The following MCC variants were observed in gnomAD, a reference collection of about 807,000 sequenced individuals.
MCC encodes colorectal mutant cancer protein.
A neutral mutation model predicts 116.2 loss-of-function variants in MCC; 90 were observed. The ratio of observed to expected loss-of-function variants is 0.77; its 90% CI spans 0.65 to 0.92. The LOEUF (loss-of-function observed/expected upper bound fraction) is 0.92, where lower values mean the gene tolerates loss of function less well. Ranked by LOEUF, MCC falls within the 40% of genes least tolerant of loss-of-function variation. The pLI is 0.00. For synonymous variants in MCC, 578 were observed against 510.5 expected (o/e 1.13, Z -1.78); for missense variants, 1,516 against 1,312.2 (o/e 1.16, Z -2.40).
chr5:113,251,838 A>T (rs724805), intron 3 of MCC, among the ~76,000 whole-genome samples: 2,420 of 152,254 alleles, frequency 0.016, 70 homozygotes, highest in African/African-American at 0.056. Flanking sequence ...TGCATATTCA[A>T]CGACGCCTAC....
chr5:113,235,435 T>C (rs1764092845), intron 3 of MCC, among the ~76,000 whole-genome samples: 1 of 152,196 alleles, frequency 6.6e-6, no homozygotes, highest in Admixed American at 6.5e-5. Context: ...GTTTCTTCAT[T>C]CCACTAAACA....
intron 3 of MCC, among the ~76,000 whole-genome samples, chr5:113,297,840 G>T (rs934602374): frequency 1.3e-5 from 2 of 151,800 alleles, no homozygotes; most frequent in African/African-American, 4.8e-5. Context: ...GGAGAAAACA[G>T]GAGAGCTTAA....
intron 13 of MCC, among the ~76,000 whole-genome samples, chr5:113,064,369 G>C (rs1285454863): frequency 6.6e-6 from 1 of 152,238 alleles, no homozygotes; most frequent in Admixed American, 6.5e-5. Context: ...GTATTTCTCT[G>C]CTCTTTCTCT....
At chr5:113,324,114 A>T (rs1352871360) in intron 3 of MCC, among the ~76,000 whole-genome samples, 1 of 152,186 alleles carries the variant, frequency 6.6e-6, no homozygotes, top group Non-Finnish European at 1.5e-5. Flanking sequence ...GGGAGGAAAC[A>T]AATGGACAGG....
chr5:113,039,206 A>C (rs1751518692), intron 17 of MCC, among the ~76,000 whole-genome samples: 1 of 152,124 alleles, frequency 6.6e-6, no homozygotes, highest in Non-Finnish European at 1.5e-5. Flanking sequence ...CCTTACTTTA[A>C]AAAGATATTT....
At chr5:113,182,541 A>C (rs886392648) in intron 3 of MCC, among the ~76,000 whole-genome samples, 3 of 152,118 alleles carry the variant, frequency 2.0e-5, no homozygotes, top group African/African-American at 4.8e-5. Context: ...GGTTGCACTG[A>C]GCCAATATCG....
At chr5:113,217,040 A>G (rs1009632523) in intron 3 of MCC, among the ~76,000 whole-genome samples, 1 of 152,248 alleles carries the variant, frequency 6.6e-6, no homozygotes, top group Non-Finnish European at 1.5e-5. Flanking sequence ...CTGACAATGA[A>G]CATGGCTAGG....
intron 1 of MCC, among the ~76,000 whole-genome samples, chr5:113,396,348 C>T (rs1416703147): frequency 6.6e-6 from 1 of 151,660 alleles, no homozygotes; most frequent in Non-Finnish European, 1.5e-5. Context: ...ACAAAAAAAC[C>T]GAGCCATGCA....
chr5:113,034,734 A>T (rs1452168717), intron 17 of MCC, among the ~76,000 whole-genome samples: 2 of 152,200 alleles, frequency 1.3e-5, no homozygotes, highest in African/African-American at 4.8e-5. Flanking sequence ...GTCTCCACTG[A>T]CGTGGATCAC....
intron 12 of MCC, among the ~76,000 whole-genome samples, chr5:113,070,695 T>TA (rs1286131074): frequency 6.6e-6 from 1 of 152,212 alleles, no homozygotes; most frequent in African/African-American, 2.4e-5. Context: ...TTGGAGGGGT[T>TA]ACAGCCATTC....
intron 2 of MCC, among the ~76,000 whole-genome samples, chr5:113,373,737 A>T (rs907105320): frequency 1.3e-5 from 2 of 152,266 alleles, no homozygotes; most frequent in Admixed American, 1.3e-4. Flanking sequence ...TGTGAAATAT[A>T]TAAAGGATAC....
intron 5 of MCC, among the ~76,000 whole-genome samples, chr5:113,138,286 T>C (rs985660068): frequency 5.3e-5 from 8 of 152,282 alleles, no homozygotes; most frequent in African/African-American, 1.4e-4. Flanking sequence ...GCTGGGATTA[T>C]AGGCATGAGC....
chr5:113,410,699 T>A (rs547356030), intron 1 of MCC, among the ~76,000 whole-genome samples: 1 of 152,390 alleles, frequency 6.6e-6, no homozygotes, highest in African/African-American at 2.4e-5. Flanking sequence ...GTCGGATTGC[T>A]GCACCCATTG....
chr5:113,332,699 T>C (rs902031600), intron 3 of MCC, among the ~76,000 whole-genome samples: 2 of 151,620 alleles, frequency 1.3e-5, no homozygotes, highest in African/African-American at 4.9e-5. Flanking sequence ...AATATAACAT[T>C]TGGGGTTACC....
At chr5:113,313,866 G>A (rs574070467) in intron 3 of MCC, among the ~76,000 whole-genome samples, 4 of 151,908 alleles carry the variant, frequency 2.6e-5, no homozygotes, top group South Asian at 4.2e-4. Context: ...TGTTGCCCAC[G>A]CTGGAGTGCA....
chr5:113,475,600 A>T lies in MCC; in HGVS notation c.170+12645T>A, dbSNP rs1772216023. 2.6e-5 allele frequency among the ~76,000 whole-genome samples: 4 copies of T among 152,214 alleles called. No individual in the cohort carries two copies. In the South Asian group the frequency reaches 8.3e-4, roughly 32 times the overall value. ...CTCTAAGGAAATGCCCTTTCTCTCC[A>T]TATGGCTTCCACTCTGAGACTAAGA... On this transcript the variant is annotated intron_variant, in intron 1 of 18. Coordinates refer to ENST00000408903, the MANE Select transcript of MCC (RefSeq NM_001085377.2).
chr5:113,184,489 T>TC (rs1275177415), intron 3 of MCC, among the ~76,000 whole-genome samples: 1 of 148,872 alleles, frequency 6.7e-6, no homozygotes, highest in East Asian at 1.9e-4. Flanking sequence ...GTTTTTTTTT[T>TC]TTTTTTTTGG....
chr5:113,309,921 C>T (rs1421809924), intron 3 of MCC, among the ~76,000 whole-genome samples: 2 of 146,586 alleles, frequency 1.4e-5, no homozygotes, highest in African/African-American at 5.0e-5. Flanking sequence ...TTCCTTCTTC[C>T]CTCCCTCCCT....
intron 8 of MCC, among the ~76,000 whole-genome samples, chr5:113,100,413 G>A (rs1389344666): frequency 6.6e-6 from 1 of 151,210 alleles, no homozygotes; most frequent in Non-Finnish European, 1.5e-5. Context: ...TATGGCTAAG[G>A]GAGCAAGAGC....
Sources: allele counts gnomAD v4.1 joint callset (sites outside exome capture counted in the v4.1 genomes callset), GRCh38; gene constraint gnomAD v4.1.1; transcripts MANE v1.5; gene names NCBI Gene and HGNC (gene_info 2026-07-23, HGNC 2026-07-21).